Variants in SYTL5 observed in about 807,000 individuals in gnomAD.
SYTL5 encodes synaptotagmin like 5.
A neutral mutation model predicts 55.9 loss-of-function variants in SYTL5; 34 were observed. That is an observed-to-expected ratio of 0.61 (90% CI 0.46 to 0.81). The LOEUF (loss-of-function observed/expected upper bound fraction) is 0.81. SYTL5 is among the 30% of genes least tolerant of loss of function. SYTL5 has a pLI of 0.00. For missense variants in SYTL5, 637 were observed against 546.7 expected (o/e 1.17, Z -1.65); for synonymous variants, 221 against 188.7 (o/e 1.17, Z -1.40).
chrX:37,966,063 C>A, the SYTL5 span, among the ~76,000 whole-genome samples: 1 of 111,979 alleles, frequency 8.9e-6, no homozygotes, highest in Admixed American at 9.4e-5. Flanking sequence ...CCACTCAATG[C>A]CTTATTATTG....
intron 13 of SYTL5, among the ~76,000 whole-genome samples, chrX:38,116,526 C>G (rs972798266): frequency 1.8e-5 from 2 of 112,248 alleles, no homozygotes; most frequent in African/African-American, 6.5e-5. Flanking sequence ...TTGAGCTTTT[C>G]TCAAATGAAA....
Position 38,114,623 on chromosome X carries a change from T to A in SYTL5, c.1596+4141T>A, listed in dbSNP as rs186544363. On this transcript the variant is annotated intron_variant, in intron 13 of 16. Coordinates refer to ENST00000297875, the MANE Select transcript of SYTL5 (RefSeq NM_138780.3). Reference sequence around the variant, plus strand: ...TTCTAAATATGTATATATTATGGAATGGCTACATCAATCTAGTTAACATAT... The same window carrying A: ...TTCTAAATATGTATATATTATGGAAAGGCTACATCAATCTAGTTAACATAT... 1.5e-3 allele frequency among the ~76,000 whole-genome samples: 172 copies of A among 112,266 alleles called. 1 individual carries two copies. The highest frequency in any genetic ancestry group is 5.3e-3 in the African/African-American group (163 of 30,932).
At chrX:37,912,093 A>G in the SYTL5 span, among the ~76,000 whole-genome samples, 1 of 112,170 alleles carries the variant, frequency 8.9e-6, no homozygotes, top group East Asian at 2.8e-4. Context: ...AACTTTTCCA[A>G]AGTTATGCCA....
At chrX:37,959,742 CT>C in the SYTL5 span, among the ~76,000 whole-genome samples, 1 of 111,868 alleles carries the variant, frequency 8.9e-6, no homozygotes, top group Non-Finnish European at 1.9e-5. Context: ...TAATATGTCC[CT>C]TTAATATTTC....
At chrX:37,935,490 T>C in the SYTL5 span, among the ~76,000 whole-genome samples, 4 of 112,726 alleles carry the variant, frequency 3.5e-5, no homozygotes, top group African/African-American at 1.3e-4. Context: ...TTAACTGTTT[T>C]TTCTCCTCTT....
the SYTL5 span, among the ~76,000 whole-genome samples, chrX:37,894,792 T>C: frequency 8.1e-3 from 628 of 77,639 alleles, 9 homozygotes; most frequent in South Asian, 0.012. Flanking sequence ...AACAAAAAGG[T>C]GGAGGAAGGG....
At chrX:37,969,643 C>T in the SYTL5 span, among the ~76,000 whole-genome samples, 2 of 111,800 alleles carry the variant, frequency 1.8e-5, no homozygotes, top group African/African-American at 3.2e-5. Flanking sequence ...AAGGCCTTTC[C>T]GTTTTTTTTG....
Position 38,108,998 on chromosome X carries a change from C to T in SYTL5, c.1434+299C>T, listed in dbSNP as rs141637943. On this transcript the variant is annotated intron_variant, in intron 12 of 16. Transcript: ENST00000297875. Reference sequence around the variant, plus strand: ...CTAAAAAATCGGTTTTACCTTTGGGCAAACAGTGCTTTTTCTGACTTCCGT... The same window carrying T: ...CTAAAAAATCGGTTTTACCTTTGGGTAAACAGTGCTTTTTCTGACTTCCGT... 9.8e-3 allele frequency among the ~76,000 whole-genome samples: 1,095 copies of T among 112,197 alleles called. 6 individuals carry two copies. Among genetic ancestry groups the T allele is most frequent in the South Asian group, 0.021 (57 of 2,688 alleles).
the SYTL5 span, among the ~76,000 whole-genome samples, chrX:37,989,589 C>A: frequency 8.9e-6 from 1 of 111,771 alleles, no homozygotes; most frequent in African/African-American, 3.3e-5. Context: ...GGCCTTGAAA[C>A]CTAATGGTTG....
At chrX:38,014,937 G>A (rs932711090) in intron 1 of SYTL5, among the ~76,000 whole-genome samples, 1 of 112,035 alleles carries the variant, frequency 8.9e-6, no homozygotes. Flanking sequence ...ATCTTTGTAG[G>A]TATCTTATTT....
intron 2 of SYTL5, among the ~76,000 whole-genome samples, chrX:38,050,522 A>G (rs1410738563): frequency 2.7e-5 from 3 of 111,697 alleles, no homozygotes; most frequent in African/African-American, 9.8e-5. Flanking sequence ...AAATGTATCT[A>G]TAGAGCAACA....
chrX:38,059,688 T>G (rs1935889354), intron 3 of SYTL5, among the ~76,000 whole-genome samples: 1 of 110,882 alleles, frequency 9.0e-6, no homozygotes, highest in South Asian at 3.8e-4. Flanking sequence ...TTAAAAGTTT[T>G]GGGGTTTTTT....
At chrX:38,098,319 T>C (rs1279710981) in intron 9 of SYTL5, among the ~76,000 whole-genome samples, 1 of 111,570 alleles carries the variant, frequency 9.0e-6, no homozygotes, top group African/African-American at 3.2e-5. Flanking sequence ...GTATCTAGAA[T>C]ATATTTCTTA....
the SYTL5 span, among the ~76,000 whole-genome samples, chrX:37,940,179 C>T: frequency 1.8e-5 from 2 of 110,674 alleles, no homozygotes; most frequent in South Asian, 3.9e-4. Flanking sequence ...CCAACCTCTG[C>T]CTTTTGTTGC....
intron 10 of SYTL5, among the ~76,000 whole-genome samples, chrX:38,104,377 C>T (rs183139886): frequency 2.9e-4 from 33 of 111,893 alleles, no homozygotes; most frequent in Admixed American, 2.5e-3. Flanking sequence ...TCACCCCAGA[C>T]TGAGGAGATA....
At chrX:37,966,436 C>CTTTT in the SYTL5 span, among the ~76,000 whole-genome samples, 8 of 78,148 alleles carry the variant, frequency 1.0e-4, no homozygotes, top group Admixed American at 3.3e-4. Context: ...TTTTCTTTTT[C>CTTTT]TTTTTTTTTT....
intron 2 of SYTL5, among the ~76,000 whole-genome samples, chrX:38,041,765 A>C (rs1178168486): frequency 1.8e-5 from 2 of 112,599 alleles, no homozygotes; most frequent in Non-Finnish European, 3.8e-5. Context: ...TGATATTCAG[A>C]GACATGTTAA....
At chrX:38,086,249 G>C (rs1017788342) in intron 6 of SYTL5, among the ~76,000 whole-genome samples, 8 of 111,045 alleles carry the variant, frequency 7.2e-5, no homozygotes, top group Non-Finnish European at 1.1e-4. Flanking sequence ...CTCAGGGCTG[G>C]CCACTCCTGG....
the SYTL5 span, chrX:37,994,283 G>A: frequency 1.8e-5 from 2 of 112,507 alleles, no homozygotes; most frequent in African/African-American, 6.5e-5. Context: ...GGTACCTTGA[G>A]AGGCTCAGGC....
Sources: gnomAD v4.1 joint callset for allele counts (sites outside exome capture counted in the v4.1 genomes callset) on GRCh38, gnomAD v4.1.1 for gene constraint, MANE v1.5 for transcripts, NCBI Gene and HGNC (gene_info 2026-07-23, HGNC 2026-07-21) for gene names.